DNM3: variants seen among roughly 807,000 people sequenced by gnomAD.
DNM3 encodes the protein dynamin-3.
A neutral mutation model predicts 101.6 loss-of-function variants in DNM3; 47 were observed. The observed-to-expected ratio is 0.46, with a 90% CI of 0.37 to 0.59. The LOEUF (loss-of-function observed/expected upper bound fraction) is 0.59, where lower values mean the gene tolerates loss of function less well. DNM3 is among the 20% of genes least tolerant of loss of function. The probability of loss-of-function intolerance (pLI) is 0.00; values close to 1 mark genes in which losing one functional copy is unlikely to be tolerated. For synonymous variants in DNM3, 385 were observed against 387.9 expected, an observed-to-expected ratio of 0.99 and a Z score of 0.09; for missense variants, 849 against 1,085.7, an observed-to-expected ratio of 0.78 and a Z score of 3.06.
At chr1:171,925,005 T>C (rs1262938382) in intron 2 of DNM3, among the ~76,000 whole-genome samples, 4 of 151,758 alleles carry the variant, frequency 2.6e-5, no homozygotes, top group Non-Finnish European at 5.9e-5. Context: ...GTTCAAGTGA[T>C]TCTCTTGCCT....
At chr1:172,040,990 G>A (rs1044106671) in intron 7 of DNM3, among the ~76,000 whole-genome samples, 8 of 152,044 alleles carry the variant, frequency 5.3e-5, no homozygotes, top group African/African-American at 1.9e-4. Flanking sequence ...GCTGGGAGAT[G>A]GGCTAAAGAG....
intron 11 of DNM3, among the ~76,000 whole-genome samples, chr1:172,069,319 T>C (rs1220936635): frequency 6.6e-6 from 1 of 152,178 alleles, no homozygotes. Flanking sequence ...TCCTAAAACA[T>C]TATGCAAAAT....
intron 13 of DNM3, among the ~76,000 whole-genome samples, chr1:172,100,152 G>T (rs189955465): frequency 2.0e-5 from 3 of 152,170 alleles, no homozygotes; most frequent in Admixed American, 6.5e-5. Flanking sequence ...TGCCATCCAT[G>T]TGCCCACTAT....
At chr1:171,927,128 G>C (rs1014167840) in intron 2 of DNM3, among the ~76,000 whole-genome samples, 5 of 152,168 alleles carry the variant, frequency 3.3e-5, no homozygotes, top group African/African-American at 1.2e-4. Flanking sequence ...AAGATGATGT[G>C]ATCACATGTA....
chr1:172,224,846 C>T (rs1053575244), intron 14 of DNM3, among the ~76,000 whole-genome samples: 14 of 152,114 alleles, frequency 9.2e-5, no homozygotes, highest in Admixed American at 7.2e-4. Context: ...AAGCAGGGTG[C>T]GAGCCCAGGA....
chr1:172,049,744 T>C (rs1359802600), intron 10 of DNM3, among the ~76,000 whole-genome samples: 1 of 152,144 alleles, frequency 6.6e-6, no homozygotes, highest in Non-Finnish European at 1.5e-5. Flanking sequence ...TTATAGATGG[T>C]TACTAGCAGT....
chr1:172,323,815 T>C (rs890710640), intron 17 of DNM3, among the ~76,000 whole-genome samples: 29 of 152,172 alleles, frequency 1.9e-4, no homozygotes, highest in Non-Finnish European at 2.5e-4. Context: ...ATCAGTGTTC[T>C]GGCTTTGAAG....
chr1:171,853,994 AC>A (rs2033288384), intron 1 of DNM3, among the ~76,000 whole-genome samples: 1 of 152,228 alleles, frequency 6.6e-6, no homozygotes, highest in African/African-American at 2.4e-5. Flanking sequence ...TGACTTAAGA[AC>A]ATGAATAGCT....
At chr1:172,274,756 C>A (rs1317773398) in intron 15 of DNM3, among the ~76,000 whole-genome samples, 1 of 144,366 alleles carries the variant, frequency 6.9e-6, no homozygotes, top group Non-Finnish European at 1.5e-5. Context: ...CAATTACTTG[C>A]AGATCAATGC....
chr1:171,888,327 A>C (rs899489193), intron 1 of DNM3, among the ~76,000 whole-genome samples: 1 of 152,036 alleles, frequency 6.6e-6, no homozygotes, highest in Non-Finnish European at 1.5e-5. Context: ...CACTTAGAGT[A>C]GGGGGGGAAT....
intron 14 of DNM3, among the ~76,000 whole-genome samples, chr1:172,195,813 T>G (rs1308187201): frequency 1.3e-5 from 2 of 151,904 alleles, no homozygotes; most frequent in Non-Finnish European, 2.9e-5. Context: ...TTTTTGGGCT[T>G]GATTTGGTAA....
intron 16 of DNM3, among the ~76,000 whole-genome samples, chr1:172,313,810 A>G (rs2065184647): frequency 6.6e-6 from 1 of 150,950 alleles, no homozygotes. Context: ...ACTTATTTTT[A>G]TTATACTTTA....
At chr1:172,127,530 TCCC>T (rs2056707159) in intron 13 of DNM3, among the ~76,000 whole-genome samples, 1 of 151,554 alleles carries the variant, frequency 6.6e-6, no homozygotes, top group Admixed American at 6.6e-5. Flanking sequence ...TACCTCAGCC[TCCC>T]AAGTAGCTTG....
chr1:172,015,000 G>T (rs1265717475), intron 4 of DNM3, among the ~76,000 whole-genome samples: 3 of 150,384 alleles, frequency 2.0e-5, no homozygotes, highest in African/African-American at 7.5e-5. Flanking sequence ...TAGCATGTAG[G>T]TGTCCAGTTT....
intron 17 of DNM3, among the ~76,000 whole-genome samples, chr1:172,328,995 CT>C (rs1402964181): frequency 1.3e-5 from 2 of 151,978 alleles, no homozygotes; most frequent in Non-Finnish European, 2.9e-5. Context: ...TAAAAGTTAC[CT>C]TGTGATAAGC....
At chr1:172,237,589 T>C (rs932633678) in intron 14 of DNM3, among the ~76,000 whole-genome samples, 3 of 152,172 alleles carry the variant, frequency 2.0e-5, no homozygotes, top group Non-Finnish European at 2.9e-5. Flanking sequence ...ACTTGGGTAA[T>C]GTACAAATAT....
At chr1:172,354,110 TGTGA>T (rs1297005442) in intron 17 of DNM3, among the ~76,000 whole-genome samples, 2 of 52,510 alleles carry the variant, frequency 3.8e-5, no homozygotes, top group Non-Finnish European at 7.4e-5. Flanking sequence ...TGTGTGTGTG[TGTGA>T]GAGAGAGAGA....
chr1:171,905,091 T>A (rs893237890), intron 1 of DNM3, among the ~76,000 whole-genome samples: 4 of 152,222 alleles, frequency 2.6e-5, no homozygotes, highest in African/African-American at 9.6e-5. Context: ...CTGATTTGAA[T>A]TTGAAAAATG....
intron 17 of DNM3, among the ~76,000 whole-genome samples, chr1:172,369,729 CTTA>C (rs1424597950): frequency 6.6e-6 from 1 of 151,876 alleles, no homozygotes; most frequent in African/African-American, 2.4e-5. Flanking sequence ...TGCAAAATAT[CTTA>C]TTAATACATT....
Sources: allele counts gnomAD v4.1 joint callset (sites outside exome capture counted in the v4.1 genomes callset), GRCh38; gene constraint gnomAD v4.1.1; transcripts MANE v1.5; gene names NCBI Gene and HGNC (gene_info 2026-07-23, HGNC 2026-07-21).